The following AIDA variants were observed in gnomAD, a reference collection of about 807,000 sequenced individuals.
The protein encoded by AIDA is axin interactor, dorsalization-associated protein.
In AIDA, 18 loss-of-function variants were observed where a neutral mutation model predicts 42.7. The observed-to-expected ratio is 0.42, with a 90% CI of 0.29 to 0.63. The LOEUF (loss-of-function observed/expected upper bound fraction) is 0.63, where lower values mean the gene tolerates loss of function less well. AIDA is among the 20% of genes least tolerant of loss of function. The pLI, the probability that AIDA is intolerant of heterozygous loss-of-function variation, is 0.19. For missense variants in AIDA, 250 were observed against 354.1 expected, an observed-to-expected ratio of 0.71 and a Z score of 2.36; for synonymous variants, 104 against 122.9, an observed-to-expected ratio of 0.85 and a Z score of 1.02.
At chr1:222,674,298 T>A (rs1317482004) in intron 7 of AIDA, among the ~76,000 whole-genome samples, 1 of 152,082 alleles carries the variant, frequency 6.6e-6, no homozygotes, top group African/African-American at 2.4e-5. Context: ...GGAGGAAACC[T>A]GTCTCAATCA....
At chr1:222,689,473 G>GTA (rs1655289181) in intron 4 of AIDA, among the ~76,000 whole-genome samples, 1 of 36,532 alleles carries the variant, frequency 2.7e-5, no homozygotes, top group African/African-American at 1.8e-4. Context: ...ATATGTATGT[G>GTA]TGTGTGTGTA....
intron 2 of AIDA, among the ~76,000 whole-genome samples, chr1:222,698,277 T>C (rs908591355): frequency 1.4e-4 from 22 of 152,216 alleles, no homozygotes; most frequent in African/African-American, 5.3e-4. Context: ...TAGAGATCAG[T>C]AGTTCTGCTT....
At chr1:222,675,740 A>C (rs1243883810) in intron 7 of AIDA, among the ~76,000 whole-genome samples, 1 of 152,214 alleles carries the variant, frequency 6.6e-6, no homozygotes, top group Non-Finnish European at 1.5e-5. Flanking sequence ...ACAAACCTAC[A>C]CATCTTTGGA....
chr1:222,681,811 T>C (rs893586348), intron 6 of AIDA, among the ~76,000 whole-genome samples: 2 of 152,186 alleles, frequency 1.3e-5, no homozygotes, highest in Non-Finnish European at 2.9e-5. Context: ...ATGCTGGCCA[T>C]GTGAATCCCC....
rs757636166 is a variant in AIDA, at chr1:222,693,833, G to A, written c.245C>T (p.Ser82Phe). Reference protein sequence around the residue: ...LRSAALQSTQSQEEFKLEDLK... With the variant: ...LRSAALQSTQFQEEFKLEDLK... ...GTCCTCCAGTTTAAATTCTTCTTGA[G>A]ACTGTGTGGACTAAATTTAAAATAA... Residue 82 changes from serine (S) to phenylalanine (F), a missense_variant, in exon 4 of 10, where the codon TCT becomes TTT. Physicochemically the swap from Ser to Phe is radical, Grantham distance 155. Transcript: ENST00000340020. 8 of 1,607,478 alleles carry A rather than the reference G, an allele frequency of 5.0e-6. No homozygotes were observed. Among genetic ancestry groups the A allele is most frequent in the Non-Finnish European group, 6.8e-6 (8 of 1,175,372 alleles).
intron 2 of AIDA, 33 bp from the exon 3 acceptor site, chr1:222,694,296 G>A: frequency 6.4e-7 from 1 of 1,550,714 alleles, no homozygotes; most frequent in Non-Finnish European, 8.8e-7. Flanking sequence ...ATAAATACCA[G>A]AATTATCATA....
chr1:222,674,334 C>T (rs753130874), intron 7 of AIDA, among the ~76,000 whole-genome samples: 1 of 152,048 alleles, frequency 6.6e-6, no homozygotes, highest in African/African-American at 2.4e-5. Context: ...TTGTAGAACA[C>T]AAAATTTCAT....
intron 1 of AIDA, among the ~76,000 whole-genome samples, chr1:222,710,279 C>T (rs1472036545): frequency 6.6e-6 from 1 of 152,132 alleles, no homozygotes; most frequent in Non-Finnish European, 1.5e-5. Context: ...TGAAATTTGA[C>T]CCTGGCAGTT....
chr1:222,688,536 A>G (rs901240579), intron 4 of AIDA, among the ~76,000 whole-genome samples: 2 of 152,068 alleles, frequency 1.3e-5, no homozygotes, highest in African/African-American at 4.8e-5. Context: ...CATAGAACTT[A>G]CTGTACTTAC....
chr1:222,690,516 A>T (rs1426954340), intron 4 of AIDA, among the ~76,000 whole-genome samples: 1 of 152,308 alleles, frequency 6.6e-6, no homozygotes, highest in African/African-American at 2.4e-5. Context: ...TTTTGTACTC[A>T]GTTTACTCAA....
At chr1:222,692,309 A>C (rs1655394867) in intron 4 of AIDA, among the ~76,000 whole-genome samples, 1 of 152,146 alleles carries the variant, frequency 6.6e-6, no homozygotes, top group Admixed American at 6.5e-5. Flanking sequence ...GGACCTCTGA[A>C]TGGCAGACGT....
chr1:222,695,403 A>G (rs1183780107), intron 2 of AIDA, among the ~76,000 whole-genome samples: 5 of 152,182 alleles, frequency 3.3e-5, no homozygotes, highest in Non-Finnish European at 5.9e-5. Flanking sequence ...GAGGCGGGAG[A>G]ATCGCTTAAA....
intron 1 of AIDA, among the ~76,000 whole-genome samples, chr1:222,705,835 G>C (rs547065098): frequency 6.6e-6 from 1 of 152,114 alleles, no homozygotes; most frequent in East Asian, 1.9e-4. Context: ...AGTGAGCCAA[G>C]ATCGCACCAC....
chr1:222,676,205 T>A lies in AIDA; in HGVS notation c.474A>T (p.Pro158=). ...TCATTCCTGGTTCCGATGGCAACCT[T>A]GGTAATAAAGTACCTGGCAACAGAG... ...FPARVPGTLL[P]RLPSEPGMTL... is the part of the protein sequence containing the mutation. Residue 158 remains proline, a synonymous_variant, in exon 7 of 10, where the codon CCA becomes CCT. Transcript: ENST00000340020. 1.2e-6 allele frequency: 2 copies of A among 1,609,430 alleles called. No homozygotes were observed. Among genetic ancestry groups the A allele is most frequent in the Non-Finnish European group, 1.7e-6 (2 of 1,178,614 alleles).
rs1300088419 is a variant in AIDA, at chr1:222,677,273, T to C, written c.461-1055A>G. On this transcript the variant is annotated intron_variant, in intron 6 of 9. Coordinates refer to ENST00000340020, the MANE Select transcript of AIDA (RefSeq NM_022831.4). ...AGAACTGATTTTTATGTACAGATTT[T>C]ATACTCAGGAACCCTACTCTCTTAT... Among the ~76,000 whole-genome samples the C allele has an allele frequency of 2.6e-5, 4 of 152,334 alleles. No homozygotes were observed. In the East Asian group the frequency reaches 7.7e-4, roughly 29 times the overall value.
chr1:222,700,983 G>GGGGGGGGGGC (rs35424886), intron 2 of AIDA, among the ~76,000 whole-genome samples: 1 of 126,490 alleles, frequency 7.9e-6, no homozygotes, highest in Non-Finnish European at 1.7e-5. Flanking sequence ...GGGGGGGGGG[G>GGGGGGGGGGC]ACAGGGTCTC....
At position 222,675,046 on chromosome 1, in the gene AIDA, G is replaced by T. The variant is rs1162212011; in HGVS notation, c.583+1050C>A. ...ATACCTGATAACATCAGAAGTTAAA[G>T]TTTCACAGCATTAATGCTGTGGATC... On this transcript the variant is annotated intron_variant, in intron 7 of 9. Coordinates refer to ENST00000340020, the MANE Select transcript of AIDA (RefSeq NM_022831.4). Among the ~76,000 whole-genome samples the T allele has an allele frequency of 2.0e-5, 3 of 152,130 alleles. No homozygotes were observed. In the East Asian group the frequency reaches 5.8e-4, roughly 29 times the overall value.
intron 2 of AIDA, among the ~76,000 whole-genome samples, chr1:222,698,055 G>T (rs1049070782): frequency 6.6e-6 from 1 of 152,122 alleles, no homozygotes; most frequent in African/African-American, 2.4e-5. Context: ...GGAATTCAGT[G>T]GAATGAAAGC....
intron 6 of AIDA, among the ~76,000 whole-genome samples, chr1:222,681,485 G>A (rs1054009964): frequency 6.6e-6 from 1 of 152,090 alleles, no homozygotes; most frequent in South Asian, 2.1e-4. Context: ...CCAACATGGT[G>A]AAACTCTGCC....
Sources: allele counts gnomAD v4.1 joint callset (sites outside exome capture counted in the v4.1 genomes callset), GRCh38; gene constraint gnomAD v4.1.1; transcripts MANE v1.5; gene names NCBI Gene and HGNC (gene_info 2026-07-23, HGNC 2026-07-21).